Variants in THADA observed in about 807,000 individuals in gnomAD.
THADA encodes tRNA (32-2'-O)-methyltransferase regulator THADA.
In THADA, 213 loss-of-function variants were observed where a neutral mutation model predicts 219.8. The ratio of observed to expected loss-of-function variants is 0.97; its 90% CI spans 0.87 to 1.09. The LOEUF (loss-of-function observed/expected upper bound fraction) is 1.09. THADA is among the 50% of genes least tolerant of loss of function. THADA has a pLI of 0.00. For synonymous variants in THADA, 1,018 were observed against 828.9 expected, an observed-to-expected ratio of 1.23 and a Z score of -3.92; for missense variants, 2,956 against 2,311.3, an observed-to-expected ratio of 1.28 and a Z score of -5.72.
In THADA at chr2:43,507,521, AAGG is replaced by A. The variant is rs1451142014; in HGVS notation, c.3507+1124_3507+1126del. 6.6e-5 allele frequency among the ~76,000 whole-genome samples: 10 copies of A among 152,332 alleles called. No individual in the cohort carries two copies. In the East Asian group the frequency reaches 1.9e-3, roughly 29 times the overall value. ...CAGATCAAATAAAAGTTGATTTCTG[AAGG>A]TCACCAAAATCCATTCAGCAGAACT... On this transcript the variant is annotated intron_variant, in intron 23 of 37. Transcript: ENST00000405975.
chr2:43,512,501 T>C (rs1413170548), intron 22 of THADA, among the ~76,000 whole-genome samples: 1 of 152,176 alleles, frequency 6.6e-6, no homozygotes, highest in Admixed American at 6.5e-5. Flanking sequence ...TTTGTTTGTT[T>C]TTGTTTTGTT....
At chr2:43,308,832 G>C (rs1350498029) in intron 31 of THADA, among the ~76,000 whole-genome samples, 1 of 139,738 alleles carries the variant, frequency 7.2e-6, no homozygotes, top group East Asian at 2.1e-4. Flanking sequence ...ACGTGAGATA[G>C]ACTACAGATC....
rs746799499 is a variant in THADA at position 43,577,204 on chromosome 2, A to G, written c.855T>C (p.Ser285=). 1.2e-6 allele frequency: 2 copies of G among 1,601,972 alleles called. No individual in the cohort carries two copies. Among genetic ancestry groups the G allele is most frequent in the Admixed American group, 1.7e-5 (1 of 58,004 alleles). ...AGCTGCTCATAAACCACTCGGGGAC[A>G]CTGGTGCAGTCCACTGAACGAAGCA... ...SVLLRSVDCT[S]VPEWFMSSCR... is the part of the protein sequence containing the mutation. The change falls in exon 10 of 38, where the codon AGT becomes AGC. Residue 285 remains serine, a synonymous_variant. Transcript: ENST00000405975.
intron 1 of THADA, among the ~76,000 whole-genome samples, chr2:43,595,371 C>T (rs1702031553): frequency 6.6e-6 from 1 of 152,178 alleles, no homozygotes; most frequent in Non-Finnish European, 1.5e-5. Context: ...GGAATAGAGG[C>T]ACGCTTCCTA....
At chr2:43,376,733 T>G (rs1671425249) in intron 29 of THADA, among the ~76,000 whole-genome samples, 1 of 152,194 alleles carries the variant, frequency 6.6e-6, no homozygotes, top group African/African-American at 2.4e-5. Context: ...TACCCATCAC[T>G]ACTCTGAGGC....
intron 22 of THADA, among the ~76,000 whole-genome samples, chr2:43,526,881 C>T (rs939253382): frequency 2.0e-5 from 3 of 151,970 alleles, no homozygotes; most frequent in African/African-American, 7.3e-5. Context: ...TTCTTGTTAA[C>T]TGATTTGATA....
chr2:43,282,010 T>A (rs1256538098), intron 35 of THADA, among the ~76,000 whole-genome samples: 2 of 152,086 alleles, frequency 1.3e-5, no homozygotes, highest in Non-Finnish European at 2.9e-5. Context: ...GGTCAAGTGA[T>A]CTTCCTGCCT....
chr2:43,290,335 T>C (rs1674546116), intron 34 of THADA, among the ~76,000 whole-genome samples: 1 of 150,392 alleles, frequency 6.6e-6, no homozygotes. Context: ...CTATACTCCC[T>C]CCACCCCACC....
chr2:43,543,536 G>A, intron 20 of THADA, among the ~76,000 whole-genome samples: 1 of 151,240 alleles, frequency 6.6e-6, no homozygotes, highest in East Asian at 1.9e-4. Context: ...TCCAGCACCT[G>A]TTGTTTCCTG....
chr2:43,490,978 T>C (rs186575995), intron 25 of THADA, among the ~76,000 whole-genome samples: 8 of 152,298 alleles, frequency 5.3e-5, no homozygotes, highest in African/African-American at 1.7e-4. Context: ...AAAAGAGTTA[T>C]TGTAAATATA....
intron 36 of THADA, among the ~76,000 whole-genome samples, chr2:43,267,867 C>T (rs139843507): frequency 4.8e-4 from 73 of 152,282 alleles, no homozygotes; most frequent in South Asian, 1.0e-3. Flanking sequence ...CAAATCTATA[C>T]CCCGACTAAA....
At chr2:43,587,691 C>A (rs1030713010) in intron 4 of THADA, among the ~76,000 whole-genome samples, 3 of 152,116 alleles carry the variant, frequency 2.0e-5, no homozygotes, top group Non-Finnish European at 4.4e-5. Context: ...CCTTCCTTCC[C>A]GCTTTTAGAT....
chr2:43,372,570 A>G (rs1336562110), intron 29 of THADA, among the ~76,000 whole-genome samples: 1 of 152,094 alleles, frequency 6.6e-6, no homozygotes, highest in Non-Finnish European at 1.5e-5. Flanking sequence ...CAGAGTGTGA[A>G]GGTCCTCAAA....
At chr2:43,326,207 T>C (rs900810593) in intron 30 of THADA, among the ~76,000 whole-genome samples, 1 of 149,060 alleles carries the variant, frequency 6.7e-6, no homozygotes, top group African/African-American at 2.5e-5. Flanking sequence ...ACTAGTGTAG[T>C]TGGGAAAACA....
chr2:43,249,377 G>A (rs1034531928), intron 36 of THADA, among the ~76,000 whole-genome samples: 5 of 152,172 alleles, frequency 3.3e-5, no homozygotes, highest in African/African-American at 1.2e-4. Flanking sequence ...GTGAATCGTT[G>A]TGGCCGGCCA....
chr2:43,280,623 T>A (rs557951022), intron 35 of THADA, among the ~76,000 whole-genome samples: 6 of 151,950 alleles, frequency 3.9e-5, no homozygotes, highest in Admixed American at 2.0e-4. Flanking sequence ...AGAGTGAGAC[T>A]CCATCCTCGC....
intron 21 of THADA, among the ~76,000 whole-genome samples, chr2:43,540,474 C>T (rs1445935332): frequency 6.6e-6 from 1 of 152,014 alleles, no homozygotes; most frequent in African/African-American, 2.4e-5. Context: ...GAAAAAGTTG[C>T]CTTTATTTTT....
At position 43,415,534 on chromosome 2, in the gene THADA, A is replaced by G. The variant is rs73925503; in HGVS notation, c.4058+12566T>C. ...CTCATAACAATGTCGTGGACTGGTT[A>G]TGGAAGAACTCAGGAAAAAACAGGG... is the stretch of plus-strand genomic sequence containing the variant. On this transcript the variant is annotated intron_variant, in intron 28 of 37. Coordinates refer to ENST00000405975, the MANE Select transcript of THADA (RefSeq NM_022065.5). 6.2e-3 allele frequency among the ~76,000 whole-genome samples: 950 copies of G among 152,288 alleles called. 12 individuals carry two copies. The highest frequency in any genetic ancestry group is 0.022 in the African/African-American group (923 of 41,546).
chr2:43,521,633 G>C (rs1692502159), intron 22 of THADA, among the ~76,000 whole-genome samples: 1 of 152,232 alleles, frequency 6.6e-6, no homozygotes, highest in African/African-American at 2.4e-5. Context: ...AAAAGTAACA[G>C]AAGTGAACAG....
Sources: gnomAD v4.1 joint callset for allele counts (sites outside exome capture counted in the v4.1 genomes callset) on GRCh38, gnomAD v4.1.1 for gene constraint, MANE v1.5 for transcripts, NCBI Gene and HGNC (gene_info 2026-07-23, HGNC 2026-07-21) for gene names.